The following ANKS1B variants were observed in gnomAD, a reference collection of about 807,000 sequenced individuals.
ANKS1B encodes the protein ankyrin repeat and sterile alpha motif domain containing 1B.
A neutral mutation model predicts 148.3 loss-of-function variants in ANKS1B; 36 were observed. The ratio of observed to expected loss-of-function variants is 0.24; its 90% CI spans 0.19 to 0.32. The LOEUF is 0.32. Among genes scored for constraint, ANKS1B ranks in the 10% least tolerant of loss-of-function variants. The probability of loss-of-function intolerance (pLI) is 1.00; values close to 1 mark genes in which losing one functional copy is unlikely to be tolerated. For missense variants in ANKS1B, 1,157 were observed against 1,542.6 expected, an observed-to-expected ratio of 0.75 and a Z score of 4.19; for synonymous variants, 542 against 560.8, an observed-to-expected ratio of 0.97 and a Z score of 0.47.
At chr12:99,262,225 G>A (rs995386936) in intron 12 of ANKS1B, among the ~76,000 whole-genome samples, 5 of 151,816 alleles carry the variant, frequency 3.3e-5, no homozygotes, top group African/African-American at 1.2e-4. Context: ...GTTTCTCCAC[G>A]ACACCTATAA....
chr12:99,477,942 A>G (rs774477537), intron 10 of ANKS1B, among the ~76,000 whole-genome samples: 38 of 152,184 alleles, frequency 2.5e-4, no homozygotes, highest in Non-Finnish European at 4.6e-4. Flanking sequence ...CTTAGTGGAA[A>G]ATAAAAAAGT....
intron 15 of ANKS1B, among the ~76,000 whole-genome samples, chr12:99,100,491 G>C (rs2057614924): frequency 6.6e-6 from 1 of 152,160 alleles, no homozygotes. Context: ...CTGGGGGAGG[G>C]GTAAGGTGGA....
At chr12:99,632,754 T>A (rs1377553592) in intron 9 of ANKS1B, among the ~76,000 whole-genome samples, 1 of 110,798 alleles carries the variant, frequency 9.0e-6, no homozygotes, top group African/African-American at 3.4e-5. Flanking sequence ...TATATATATA[T>A]ATATATATAT....
chr12:99,595,844 A>G (rs2097754142), intron 9 of ANKS1B, among the ~76,000 whole-genome samples: 1 of 151,924 alleles, frequency 6.6e-6, no homozygotes, highest in African/African-American at 2.4e-5. Context: ...CAACCACTAC[A>G]TTATTCCTGG....
At chr12:98,904,549 CAT>C (rs2099776394) in intron 17 of ANKS1B, among the ~76,000 whole-genome samples, 1 of 152,252 alleles carries the variant, frequency 6.6e-6, no homozygotes, top group African/African-American at 2.4e-5. Flanking sequence ...CCTTTAATCA[CAT>C]GAGTGCAAGT....
In ANKS1B at chr12:99,779,912, T is replaced by G. The variant is rs1036598094; in HGVS notation, c.806A>C (p.His269Pro). The G allele has an allele frequency of 6.2e-7, 1 of 1,612,720 alleles. No homozygotes were observed. The highest frequency in any genetic ancestry group is 8.5e-7 in the Non-Finnish European group (1 of 1,179,568). ...AATCTGGAGAGATTTCTGAGATGGATGTTCTTTCAGAATGTCCAAGACAGT... is the reference window on the plus strand; with the variant it reads ...AATCTGGAGAGATTTCTGAGATGGAGGTTCTTTCAGAATGTCCAAGACAGT... Reference protein sequence around the residue: ...GRTVLDILKEHPSQKSLQIAT... With the variant: ...GRTVLDILKEPPSQKSLQIAT... The change falls in exon 6 of 27, where the codon CAT becomes CCT. Residue 269 changes from histidine (H) to proline (P), a missense_variant. Coordinates refer to ENST00000683438, the MANE Select transcript of ANKS1B (RefSeq NM_001352186.2).
chr12:99,302,141 CA>C (rs2081723073), intron 12 of ANKS1B, among the ~76,000 whole-genome samples: 1 of 151,968 alleles, frequency 6.6e-6, no homozygotes, highest in African/African-American at 2.4e-5. Flanking sequence ...AATGGGATAA[CA>C]GTACTGATTT....
intron 17 of ANKS1B, among the ~76,000 whole-genome samples, chr12:99,034,246 C>A (rs2099954104): frequency 6.6e-6 from 1 of 152,120 alleles, no homozygotes; most frequent in South Asian, 2.1e-4. Context: ...AGCGGCAGGG[C>A]AGAGAGCAGA....
At chr12:99,765,326 ATAT>A (rs2062545378) in intron 8 of ANKS1B, among the ~76,000 whole-genome samples, 1 of 152,142 alleles carries the variant, frequency 6.6e-6, no homozygotes, top group African/African-American at 2.4e-5. Flanking sequence ...TTATTTTGAG[ATAT>A]TATAGTTTGG....
At chr12:99,600,583 G>A (rs1033740156) in intron 9 of ANKS1B, among the ~76,000 whole-genome samples, 1 of 151,990 alleles carries the variant, frequency 6.6e-6, no homozygotes, top group African/African-American at 2.4e-5. Context: ...ACTATTCATA[G>A]ACATGTCGTT....
intron 15 of ANKS1B, among the ~76,000 whole-genome samples, chr12:99,142,029 G>A (rs2071019571): frequency 6.6e-6 from 1 of 151,930 alleles, no homozygotes; most frequent in South Asian, 2.1e-4. Context: ...ATATATAGGA[G>A]GTAGAAAACT....
At chr12:98,844,978 T>C (rs1213191588) in intron 17 of ANKS1B, among the ~76,000 whole-genome samples, 3 of 152,152 alleles carry the variant, frequency 2.0e-5, no homozygotes, top group Non-Finnish European at 4.4e-5. Context: ...ATGTCTTACA[T>C]TAAGGATCCA....
At chr12:98,825,436 G>A (rs1381849968) in intron 19 of ANKS1B, among the ~76,000 whole-genome samples, 1 of 151,122 alleles carries the variant, frequency 6.6e-6, no homozygotes, top group Non-Finnish European at 1.5e-5. Context: ...AGGTAATACT[G>A]CTTTTTTTTA....
intron 17 of ANKS1B, among the ~76,000 whole-genome samples, chr12:98,878,053 A>C (rs2099696018): frequency 2.0e-5 from 3 of 152,188 alleles, no homozygotes; most frequent in Non-Finnish European, 4.4e-5. Context: ...AGTATACTCT[A>C]AAGGTTTAAT....
chr12:99,374,844 T>G (rs1317080400), intron 12 of ANKS1B, among the ~76,000 whole-genome samples: 1 of 152,210 alleles, frequency 6.6e-6, no homozygotes, highest in African/African-American at 2.4e-5. Flanking sequence ...TTATTTTATT[T>G]TTTTACCTAA....
chr12:99,625,198 T>G (rs1395672585), intron 9 of ANKS1B, among the ~76,000 whole-genome samples: 1 of 151,960 alleles, frequency 6.6e-6, no homozygotes, highest in Non-Finnish European at 1.5e-5. Flanking sequence ...AAATCTTGGG[T>G]ACACATGAAC....
chr12:99,138,264 G>A (rs545282654), intron 15 of ANKS1B, among the ~76,000 whole-genome samples: 2 of 152,248 alleles, frequency 1.3e-5, no homozygotes, highest in African/African-American at 4.8e-5. Context: ...TTGCAACTGA[G>A]AACACAGAAT....
At chr12:99,459,587 A>T (rs914858682) in intron 10 of ANKS1B, among the ~76,000 whole-genome samples, 2 of 152,066 alleles carry the variant, frequency 1.3e-5, no homozygotes, top group African/African-American at 4.8e-5. Context: ...TAACATACAC[A>T]AATCAGTAGC....
intron 1 of ANKS1B, among the ~76,000 whole-genome samples, chr12:99,840,441 G>C (rs1463711228): frequency 6.6e-6 from 1 of 152,044 alleles, no homozygotes; most frequent in African/African-American, 2.4e-5. Flanking sequence ...GATCTGACTT[G>C]TATTCTGCTG....
Sources: allele counts gnomAD v4.1 joint callset (sites outside exome capture counted in the v4.1 genomes callset), GRCh38; gene constraint gnomAD v4.1.1; transcripts MANE v1.5; gene names NCBI Gene and HGNC (gene_info 2026-07-23, HGNC 2026-07-21).